The following ZRSR2 variants were observed in gnomAD, a reference collection of about 807,000 sequenced individuals.
The protein encoded by ZRSR2 is U2 small nuclear ribonucleoprotein auxiliary factor 35 kDa subunit-related protein 2.
ZRSR2 carries 3 observed loss-of-function variants against 39.4 expected under a neutral mutation model. That is an observed-to-expected ratio of 0.08 (90% CI 0.03 to 0.20). The LOEUF is 0.20. Among genes scored for constraint, ZRSR2 ranks in the 10% least tolerant of loss-of-function variants. The probability of loss-of-function intolerance (pLI) is 1.00; values close to 1 mark genes in which losing one functional copy is unlikely to be tolerated. For missense variants in ZRSR2, 256 were observed against 391.5 expected, an observed-to-expected ratio of 0.65 and a Z score of 2.92; for synonymous variants, 137 against 136.0, an observed-to-expected ratio of 1.01 and a Z score of -0.05.
intron 9 of ZRSR2, among the ~76,000 whole-genome samples, chrX:15,819,387 C>T (rs918511467): frequency 9.1e-6 from 1 of 109,608 alleles, no homozygotes; most frequent in Non-Finnish European, 1.9e-5. Flanking sequence ...ACAGGAGAAT[C>T]GCTTCAAGAG....
chrX:15,812,064 G>T (rs1932893610), intron 7 of ZRSR2, among the ~76,000 whole-genome samples: 1 of 110,693 alleles, frequency 9.0e-6, no homozygotes, highest in Non-Finnish European at 1.9e-5. Context: ...CGAGTAGCTG[G>T]GACCACAGGG....
At chrX:15,809,049 G>C in intron 6 of ZRSR2, 151 bp from the exon 7 acceptor site, 1 of 490,999 alleles carries the variant, frequency 2.0e-6, no homozygotes. Flanking sequence ...ACCGTTGTTT[G>C]TAAAGTCTTG....
At chrX:15,819,345 C>A (rs1470726542) in intron 9 of ZRSR2, among the ~76,000 whole-genome samples, 1 of 109,570 alleles carries the variant, frequency 9.1e-6, no homozygotes. Flanking sequence ...TGGTGGCAGG[C>A]ACCTGTAATC....
chrX:15,810,675 T>A (rs1932865777), intron 7 of ZRSR2, among the ~76,000 whole-genome samples: 1 of 108,367 alleles, frequency 9.2e-6, no homozygotes, highest in South Asian at 3.9e-4. Context: ...CACATTAGAG[T>A]CATCTAGAAA....
chrX:15,799,921 A>G lies in ZRSR2; in HGVS notation c.171A>G (p.Gln57=). ...AGGACACTTTTATTGAAGAACAACA[A>G]CTAGAAGAAGAGAAGCTATTGGAAA... The part of the protein sequence containing the change: ...EEEDTFIEEQ[Q]LEEEKLLERE... Residue 57 remains glutamine (Q), a synonymous_variant, in exon 3 of 11, where the codon CAA becomes CAG. Transcript: ENST00000307771. The G allele has an allele frequency of 1.7e-6, 2 of 1,204,395 alleles. No homozygotes were observed. The highest frequency in any genetic ancestry group is 2.2e-6 in the Non-Finnish European group (2 of 890,044).
intron 2 of ZRSR2, among the ~76,000 whole-genome samples, chrX:15,799,185 C>CA (rs558406905): frequency 7.0e-4 from 52 of 74,289 alleles, no homozygotes; most frequent in East Asian, 2.6e-3. Context: ...ACTCCCGTCT[C>CA]AAAAAAAAAA....
intron 2 of ZRSR2, among the ~76,000 whole-genome samples, chrX:15,795,270 C>T (rs545405038): frequency 1.8e-5 from 2 of 110,632 alleles, no homozygotes; most frequent in South Asian, 3.8e-4. Flanking sequence ...ATAATCTTTA[C>T]ACACTTTCTT....
chrX:15,820,959 T>C (rs1477831756), intron 10 of ZRSR2, among the ~76,000 whole-genome samples: 1 of 111,772 alleles, frequency 8.9e-6, no homozygotes, highest in Non-Finnish European at 1.9e-5. Context: ...CTGATTTCTC[T>C]CAGTGGACTG....
intron 7 of ZRSR2, among the ~76,000 whole-genome samples, chrX:15,814,043 T>A (rs1201275177): frequency 2.0e-5 from 2 of 102,445 alleles, no homozygotes; most frequent in Non-Finnish European, 2.0e-5. Flanking sequence ...TCTTCAACTT[T>A]CTTTCTTCCT....
intron 7 of ZRSR2, 66 bp from the exon 8 acceptor site, chrX:15,815,611 G>A: frequency 2.0e-6 from 2 of 988,136 alleles, no homozygotes; most frequent in East Asian, 3.1e-5. Flanking sequence ...CTGGTCTAAA[G>A]CAGTTGTTTT....
At chrX:15,801,916 A>ATATTCAAGT (rs1317497651) in intron 3 of ZRSR2, 1 of 112,547 alleles carries the variant, frequency 8.9e-6, no homozygotes, top group Non-Finnish European at 1.9e-5. Flanking sequence ...AAGCAGATGT[A>ATATTCAAGT]TATTCAAGTT....
intron 6 of ZRSR2, 97 bp from the exon 7 acceptor site, chrX:15,809,103 A>G (rs1932841742): frequency 7.7e-6 from 5 of 646,610 alleles, no homozygotes; most frequent in South Asian, 4.9e-5. Flanking sequence ...AAATGAAACA[A>G]TGTTTATCTT....
At chrX:15,792,833 G>A (rs1198317992) in intron 2 of ZRSR2, among the ~76,000 whole-genome samples, 5 of 112,733 alleles carry the variant, frequency 4.4e-5, no homozygotes. Flanking sequence ...TCCAGAATAT[G>A]CTCATGAAAT....
chrX:15,793,856 T>A (rs1932362022), intron 2 of ZRSR2, among the ~76,000 whole-genome samples: 1 of 112,465 alleles, frequency 8.9e-6, no homozygotes, highest in African/African-American at 3.2e-5. Context: ...TGCTGTTTAT[T>A]GTAGCACACG....
intron 7 of ZRSR2, among the ~76,000 whole-genome samples, chrX:15,814,130 C>T (rs920636886): frequency 2.8e-5 from 3 of 105,271 alleles, no homozygotes; most frequent in African/African-American, 1.0e-4. Context: ...AGCAACCTAA[C>T]CAGGAAAATT....
At chrX:15,811,782 G>A (rs755009987) in intron 7 of ZRSR2, among the ~76,000 whole-genome samples, 1 of 111,615 alleles carries the variant, frequency 9.0e-6, no homozygotes, top group African/African-American at 3.3e-5. Context: ...AAACGATTTC[G>A]AGAACTTGGT....
At chrX:15,793,664 G>C (rs1932354233) in intron 2 of ZRSR2, among the ~76,000 whole-genome samples, 1 of 111,689 alleles carries the variant, frequency 9.0e-6, no homozygotes, top group African/African-American at 3.3e-5. Flanking sequence ...TCAGCCTCCT[G>C]AGTAGCTGGG....
rs1011088993 is a variant in ZRSR2 at position 15,790,879 on chromosome X, C to T, written c.42-55C>T. On this transcript the variant is annotated intron_variant, in intron 1 of 10. Coordinates refer to ENST00000307771, the MANE Select transcript of ZRSR2 (RefSeq NM_005089.4). ...ATTGGGCACAGAGGAGCGGGGAGCTCGGGCAGCGCTGCATTGTAGCCGCTG... is the reference window on the plus strand; with the variant it reads ...ATTGGGCACAGAGGAGCGGGGAGCTTGGGCAGCGCTGCATTGTAGCCGCTG... 20 of 1,104,513 alleles carry T rather than the reference C, an allele frequency of 1.8e-5. No homozygotes were observed. The South Asian group carries it at 3.3e-4, about 18-fold the overall frequency. 91.0% of individuals were successfully genotyped at this position (1,104,513 alleles called of 1,213,427 possible).
rs112066209 is a variant in ZRSR2, at chrX:15,809,363, T to C, written c.557+45T>C. 4,841 of 985,166 alleles carry C rather than the reference T, an allele frequency of 4.9e-3. 126 individuals carry two copies. The African/African-American group carries it at 0.075, about 15-fold the overall frequency. The allele number at this position is 985,166 out of a possible 1,213,427, so 81.2% of individuals were successfully genotyped here. A position where few individuals can be genotyped will look rare whatever the true frequency, so the allele number is the denominator to read the frequency against. ...CATGTCAGAATGAAGTGATTCAAAA[T>C]GCTGACGTTTTTGAGTTCCCCTTTT... On this transcript the variant is annotated intron_variant, in intron 7 of 10. Transcript: ENST00000307771.
Sources: allele counts gnomAD v4.1 joint callset (sites outside exome capture counted in the v4.1 genomes callset), GRCh38; gene constraint gnomAD v4.1.1; transcripts MANE v1.5; gene names NCBI Gene and HGNC (gene_info 2026-07-23, HGNC 2026-07-21).